ZFR: variants seen among roughly 807,000 people sequenced by gnomAD.
ZFR encodes zinc finger RNA binding protein.
Under a neutral mutation model 130.7 loss-of-function variants are expected in ZFR, and 19 were observed. That is an observed-to-expected ratio of 0.15 (90% CI 0.10 to 0.21). The LOEUF (loss-of-function observed/expected upper bound fraction) is 0.21, where lower values mean the gene tolerates loss of function less well. ZFR is among the 10% of genes least tolerant of loss of function. ZFR has a pLI of 1.00. For synonymous variants in ZFR, 466 were observed against 456.9 expected (o/e 1.02, Z -0.25); for missense variants, 872 against 1,321.5 (o/e 0.66, Z 5.27).
chr5:32,444,012 C>T (rs971790799), intron 2 of ZFR, among the ~76,000 whole-genome samples: 1 of 150,734 alleles, frequency 6.6e-6, no homozygotes, highest in Non-Finnish European at 1.5e-5. Flanking sequence ...CTACCTCCCC[C>T]CTACTGGGGG....
In ZFR at chr5:32,361,623, T is replaced by TC. The variant is rs1377099234; in HGVS notation, c.3045+2324_3045+2325insG. On this transcript the variant is annotated intron_variant, in intron 19 of 19. Transcript: ENST00000265069. ...TTACTAAGCATCAGCCTATTCTTTT[T>TC]TTTTTTTTTTTTTGAGATGGAGTCT... Among the ~76,000 whole-genome samples the TC allele has an allele frequency of 1.1e-4, 16 of 150,466 alleles. No individual in the cohort carries two copies. The East Asian group carries it at 3.1e-3, about 29-fold the overall frequency.
intron 12 of ZFR, among the ~76,000 whole-genome samples, chr5:32,389,129 A>G (rs1753104521): frequency 1.3e-5 from 2 of 152,192 alleles, no homozygotes; most frequent in South Asian, 4.1e-4. Context: ...GAACTTACAC[A>G]AGATGTCCCT....
rs367873889 is a variant in ZFR at position 32,363,973 on chromosome 5, C to T, written c.3020G>A (p.Arg1007His). Residue 1007 changes from arginine (R) to histidine (H), a missense_variant, in exon 19 of 20, where the codon CGT (arginine) becomes CAT (histidine). Physicochemically the swap from Arg to His is conservative, Grantham distance 29. Around this residue, in one of 7 missense-constraint regions of ZFR, gnomAD observed 158 missense variants for 264.0 expected, o/e 0.60. Coordinates refer to ENST00000265069, the MANE Select transcript of ZFR (RefSeq NM_016107.5). Reference protein sequence around the residue: ...DTLATMTDQQREDITSSAQFA... With the variant: ...DTLATMTDQQHEDITSSAQFA... Reference sequence around the variant, plus strand: ...CTGTGCACTGGATGTGATGTCTTCACGCTGCTGGTCAGTCATTGTTGCCAA... The same window carrying T: ...CTGTGCACTGGATGTGATGTCTTCATGCTGCTGGTCAGTCATTGTTGCCAA... The T allele has an allele frequency of 6.2e-7, 1 of 1,614,056 alleles. No individual in the cohort carries two copies. Among genetic ancestry groups the T allele is most frequent in the East Asian group, 2.2e-5 (1 of 44,876 alleles).
At chr5:32,385,984 G>C (rs1372360124) in intron 14 of ZFR, among the ~76,000 whole-genome samples, 1 of 152,048 alleles carries the variant, frequency 6.6e-6, no homozygotes, top group Non-Finnish European at 1.5e-5. Context: ...AGCTAAAATA[G>C]CTACCTGACC....
intron 2 of ZFR, among the ~76,000 whole-genome samples, chr5:32,424,479 C>A (rs528999699): frequency 6.7e-6 from 1 of 149,346 alleles, no homozygotes; most frequent in Admixed American, 6.7e-5. Context: ...TGCAGTGAGC[C>A]GAGATCGCGC....
intron 8 of ZFR, among the ~76,000 whole-genome samples, chr5:32,400,600 G>A (rs10941004): frequency 0.28 from 42,765 of 152,130 alleles, 6,696 homozygotes; most frequent in Middle Eastern, 0.44. Context: ...TATGATCCCA[G>A]CACTGTGGGA....
intron 19 of ZFR, among the ~76,000 whole-genome samples, chr5:32,362,204 G>A (rs1752449483): frequency 6.6e-6 from 1 of 152,086 alleles, no homozygotes; most frequent in African/African-American, 2.4e-5. Flanking sequence ...TCTTGGGAAG[G>A]GATGATTAAC....
At chr5:32,395,449 G>A in intron 10 of ZFR, 145 bp from the exon 11 acceptor site, 6 of 564,744 alleles carry the variant, frequency 1.1e-5, no homozygotes, top group South Asian at 1.2e-4. Flanking sequence ...ATATAATTAA[G>A]GTAAATCAGA....
Position 32,355,639 on chromosome 5 carries a change from G to T in ZFR, c.*121C>A. On this transcript the variant is annotated 3_prime_UTR_variant, in exon 20 of 20. Transcript: ENST00000265069. The stretch of plus-strand genomic sequence containing the variant: ...ATTTTTTAATATCATAGAAAAACTT[G>T]GTTCTTCCATGAAATCCTTTAAATT... 3.3e-6 allele frequency: 3 copies of T among 914,394 alleles called. No individual in the cohort carries two copies. The highest frequency in any genetic ancestry group is 4.7e-6 in the Non-Finnish European group (3 of 640,740). 56.6% of individuals were successfully genotyped at this position (914,394 alleles called of 1,614,324 possible).
chr5:32,415,507 T>C (rs993020840), intron 4 of ZFR, among the ~76,000 whole-genome samples: 3 of 93,500 alleles, frequency 3.2e-5, no homozygotes, highest in Admixed American at 9.9e-5. Context: ...TGTGTGTGTG[T>C]GTGTGTGTGC....
rs111616905 is a variant in ZFR, at chr5:32,442,310, C to G, written c.137+1919G>C. Among the ~76,000 whole-genome samples, 1,059 of 152,304 alleles carry G rather than the reference C, an allele frequency of 7.0e-3. 11 individuals carry two copies. The highest frequency in any genetic ancestry group is 0.024 in the African/African-American group (1,012 of 41,560). On this transcript the variant is annotated intron_variant, in intron 2 of 19. Coordinates refer to ENST00000265069, the MANE Select transcript of ZFR (RefSeq NM_016107.5). ...TGGCACAGATGCTGATTAGCTATCT[C>G]TTCTGAGAAAAAGATGGTTTTTTCC...
intron 19 of ZFR, among the ~76,000 whole-genome samples, chr5:32,361,361 A>G (rs1212322906): frequency 6.6e-6 from 1 of 152,200 alleles, no homozygotes; most frequent in Non-Finnish European, 1.5e-5. Flanking sequence ...TACAATTATT[A>G]GGGACTTTTG....
chr5:32,427,115 G>A (rs1042200780), intron 2 of ZFR, among the ~76,000 whole-genome samples: 10 of 151,896 alleles, frequency 6.6e-5, no homozygotes, highest in Non-Finnish European at 1.3e-4. Context: ...TTACAATAGC[G>A]TCAAAAAGAA....
intron 2 of ZFR, among the ~76,000 whole-genome samples, chr5:32,433,987 T>C (rs972500033): frequency 3.3e-5 from 5 of 152,194 alleles, no homozygotes; most frequent in Non-Finnish European, 7.3e-5. Flanking sequence ...GAGGATCACC[T>C]GTGCCTGGGA....
chr5:32,390,175 A>G, intron 12 of ZFR, 100 bp downstream of exon 12: 1 of 1,426,510 alleles, frequency 7.0e-7, no homozygotes, highest in Non-Finnish European at 9.4e-7. Flanking sequence ...CCAAGATTAC[A>G]AGATTATTAA....
chr5:32,433,639 T>A (rs1055251159), intron 2 of ZFR, among the ~76,000 whole-genome samples: 6 of 152,234 alleles, frequency 3.9e-5, no homozygotes, highest in African/African-American at 1.4e-4. Flanking sequence ...CAAAACATTT[T>A]CAATTTTAGA....
intron 2 of ZFR, among the ~76,000 whole-genome samples, chr5:32,422,301 A>G (rs1465965382): frequency 1.3e-5 from 2 of 152,126 alleles, no homozygotes. Context: ...TGTAATTATT[A>G]CTTTTAGTAC....
At chr5:32,435,172 A>C (rs2111863240) in intron 2 of ZFR, among the ~76,000 whole-genome samples, 1 of 152,274 alleles carries the variant, frequency 6.6e-6, no homozygotes, top group South Asian at 2.1e-4. Flanking sequence ...CAGCCTCCCA[A>C]AATGCTGGGA....
At chr5:32,389,660 G>A (rs1035555465) in intron 12 of ZFR, among the ~76,000 whole-genome samples, 9 of 152,080 alleles carry the variant, frequency 5.9e-5, no homozygotes, top group Non-Finnish European at 1.0e-4. Flanking sequence ...AAAATTAGTT[G>A]TTCCTGCTCA....
Sources: gnomAD v4.1 joint callset for allele counts (sites outside exome capture counted in the v4.1 genomes callset) on GRCh38, gnomAD v4.1.1 for gene constraint, gnomAD v4.1.1 regional missense constraint, MANE v1.5 for transcripts, NCBI Gene and HGNC (gene_info 2026-07-23, HGNC 2026-07-21) for gene names.